The following TLK1 variants were observed in gnomAD, a reference collection of about 807,000 sequenced individuals.
The protein encoded by TLK1 is tousled like kinase 1, also known as serine/threonine-protein kinase tousled-like 1.
A neutral mutation model predicts 105.3 loss-of-function variants in TLK1; 24 were observed. The ratio of observed to expected loss-of-function variants is 0.23; its 90% CI spans 0.17 to 0.32. The LOEUF (loss-of-function observed/expected upper bound fraction) is 0.32. Ranked by LOEUF, TLK1 falls within the 10% of genes least tolerant of loss-of-function variation. TLK1 has a pLI of 1.00. For synonymous variants in TLK1, 321 were observed against 310.4 expected, an observed-to-expected ratio of 1.03 and a Z score of -0.36; for missense variants, 558 against 910.5, an observed-to-expected ratio of 0.61 and a Z score of 4.98.
At chr2:171,211,741 A>G (rs1429723213) in intron 1 of TLK1, among the ~76,000 whole-genome samples, 2 of 151,322 alleles carry the variant, frequency 1.3e-5, no homozygotes, top group African/African-American at 4.9e-5. Flanking sequence ...GTAGAGATGG[A>G]GTTTCACCAT....
intron 11 of TLK1, among the ~76,000 whole-genome samples, chr2:171,031,615 G>T (rs1486958462): frequency 1.3e-5 from 2 of 152,014 alleles, no homozygotes; most frequent in East Asian, 1.9e-4. Flanking sequence ...ACATAACAAT[G>T]TATTATTTTT....
intron 8 of TLK1, among the ~76,000 whole-genome samples, chr2:171,051,726 C>T (rs962941578): frequency 2.0e-5 from 3 of 152,006 alleles, no homozygotes; most frequent in African/African-American, 2.4e-5. Flanking sequence ...ATTGTTTTAT[C>T]AACAATGATA....
At chr2:171,081,836 TA>T in intron 3 of TLK1, 1 of 525,500 alleles carries the variant, frequency 1.9e-6, no homozygotes. Context: ...AACACAGAGC[TA>T]AAAAGATGCC....
chr2:170,998,018 T>C (rs940871153), intron 18 of TLK1, among the ~76,000 whole-genome samples, 195 bp from the exon 19 acceptor site: 11 of 152,160 alleles, frequency 7.2e-5, no homozygotes, highest in South Asian at 4.1e-4. Context: ...ACATACAACA[T>C]TGTGATAAAG....
At chr2:171,000,523 ACTG>A (rs951655595) in intron 18 of TLK1, among the ~76,000 whole-genome samples, 1 of 152,176 alleles carries the variant, frequency 6.6e-6, no homozygotes. Flanking sequence ...GAAGAAAAAA[ACTG>A]CTATTAAGAA....
chr2:171,169,543 G>A (rs1692686124), intron 1 of TLK1, among the ~76,000 whole-genome samples: 1 of 152,086 alleles, frequency 6.6e-6, no homozygotes, highest in African/African-American at 2.4e-5. Context: ...CCACATAATT[G>A]GAATTACAGG....
chr2:171,100,037 T>C (rs770761130), intron 2 of TLK1, among the ~76,000 whole-genome samples: 1 of 152,180 alleles, frequency 6.6e-6, no homozygotes, highest in African/African-American at 2.4e-5. Flanking sequence ...CCAGTAAGTA[T>C]AAAGAATTCT....
At chr2:171,151,012 G>C (rs1692007721) in intron 1 of TLK1, among the ~76,000 whole-genome samples, 1 of 151,880 alleles carries the variant, frequency 6.6e-6, no homozygotes, top group Non-Finnish European at 1.5e-5. Context: ...TTCTCTATGT[G>C]TGCCTGGGTA....
chr2:171,195,070 C>T (rs1693241292), intron 1 of TLK1, among the ~76,000 whole-genome samples: 1 of 152,096 alleles, frequency 6.6e-6, no homozygotes, highest in South Asian at 2.1e-4. Context: ...TATGCATTTT[C>T]GTATACTTGC....
intron 1 of TLK1, among the ~76,000 whole-genome samples, chr2:171,124,700 T>G (rs1207427036): frequency 3.3e-5 from 5 of 152,232 alleles, no homozygotes; most frequent in Non-Finnish European, 5.9e-5. Flanking sequence ...TTACTCCAAC[T>G]AAGCCTTTTG....
At chr2:171,158,815 C>G (rs1300413046) in intron 1 of TLK1, among the ~76,000 whole-genome samples, 1 of 152,162 alleles carries the variant, frequency 6.6e-6, no homozygotes, top group Non-Finnish European at 1.5e-5. Flanking sequence ...TACTAAATTT[C>G]TAGTCATTTA....
rs752381858 is a variant in TLK1, at chr2:170,993,763, C to T, written c.*17G>A. ...TGGAAGCAAATTCAAAGATATCATGCCAATCTTGGAGGAAAGTCAGTAAGT... is the reference window on the plus strand; with the variant it reads ...TGGAAGCAAATTCAAAGATATCATGTCAATCTTGGAGGAAAGTCAGTAAGT... On this transcript the variant is annotated 3_prime_UTR_variant, in exon 21 of 21. Coordinates refer to ENST00000431350, the MANE Select transcript of TLK1 (RefSeq NM_012290.5). The T allele has an allele frequency of 1.3e-6, 2 of 1,532,742 alleles. No homozygotes were observed. Among genetic ancestry groups the T allele is most frequent in the Non-Finnish European group, 1.8e-6 (2 of 1,136,970 alleles). The allele number at this position is 1,532,742 out of a possible 1,614,324, so 94.9% of individuals were successfully genotyped here. A position where few individuals can be genotyped will look rare whatever the true frequency, so the allele number is the denominator to read the frequency against.
At chr2:171,155,666 C>T (rs1692205052) in intron 1 of TLK1, 1 of 152,138 alleles carries the variant, frequency 6.6e-6, no homozygotes, top group Non-Finnish European at 1.5e-5. Context: ...TTATCTCCAC[C>T]TCCCCAAAAA....
chr2:171,123,858 T>C (rs1243888035), intron 1 of TLK1, among the ~76,000 whole-genome samples: 1 of 152,182 alleles, frequency 6.6e-6, no homozygotes, highest in Non-Finnish European at 1.5e-5. Flanking sequence ...TGAGACTGTA[T>C]GTATTTGTCT....
chr2:171,199,785 C>A lies in TLK1; in HGVS notation c.-6+31360G>T, dbSNP rs142032331. On this transcript the variant is annotated intron_variant, in intron 1 of 20. Coordinates refer to the TLK1 transcript ENST00000521943. ...CAGAGCCTAATTTACTGAAAGGTTT[C>A]TGCAAAGTAGAAATCAAGGAATATA... Among the ~76,000 whole-genome samples the A allele has an allele frequency of 2.2e-3, 332 of 152,262 alleles. 3 individuals are homozygous for A. Among genetic ancestry groups the A allele is most frequent in the African/African-American group, 6.9e-3 (285 of 41,548 alleles).
At chr2:171,162,761 T>G (rs77726290), upstream of TLK1, among the ~76,000 whole-genome samples, 6,474 of 152,258 alleles carry the variant, frequency 0.043, 450 homozygotes, top group East Asian at 0.31. Context: ...ATGCAGGCCA[T>G]ACAGTCAATT....
At chr2:171,062,512 G>C (rs1275429068) in intron 3 of TLK1, among the ~76,000 whole-genome samples, 3 of 152,162 alleles carry the variant, frequency 2.0e-5, no homozygotes, top group South Asian at 2.1e-4. Context: ...CAGAGAAATT[G>C]GACCAAATGT....
chr2:171,019,876 G>A (rs1244953902), intron 12 of TLK1, among the ~76,000 whole-genome samples: 1 of 151,218 alleles, frequency 6.6e-6, no homozygotes, highest in Non-Finnish European at 1.5e-5. Context: ...TGGCCAACAT[G>A]GCAAAATCCT....
chr2:171,026,097 A>G (rs139255632), intron 12 of TLK1, among the ~76,000 whole-genome samples: 206 of 152,306 alleles, frequency 1.4e-3, no homozygotes, highest in African/African-American at 4.8e-3. Context: ...AAAAGAAGAT[A>G]AAGTTAGAAA....
Sources: gnomAD v4.1 joint callset for allele counts (sites outside exome capture counted in the v4.1 genomes callset) on GRCh38, gnomAD v4.1.1 for gene constraint, MANE v1.5 for transcripts, NCBI Gene and HGNC (gene_info 2026-07-23, HGNC 2026-07-21) for gene names.